SLC8A1: variants seen among roughly 807,000 people sequenced by gnomAD.
SLC8A1 encodes the protein sodium/calcium exchanger 1.
Under a neutral mutation model 68.3 loss-of-function variants are expected in SLC8A1, and 18 were observed. The observed-to-expected ratio is 0.26, with a 90% CI of 0.18 to 0.39. The LOEUF (loss-of-function observed/expected upper bound fraction) is 0.39, where lower values mean the gene tolerates loss of function less well. Among genes scored for constraint, SLC8A1 ranks in the 10% least tolerant of loss-of-function variants. The pLI, the probability that SLC8A1 is intolerant of heterozygous loss-of-function variation, is 1.00. For synonymous variants in SLC8A1, 475 were observed against 415.5 expected (o/e 1.14, Z -1.74); for missense variants, 985 against 1,156.7 (o/e 0.85, Z 2.15).
intron 2 of SLC8A1, among the ~76,000 whole-genome samples, chr2:40,282,802 G>A (rs1277738415): frequency 2.0e-5 from 3 of 152,084 alleles, no homozygotes; most frequent in African/African-American, 7.2e-5. Flanking sequence ...CTGGCTGCAA[G>A]GAGAAGTTGA....
chr2:40,314,061 G>C (rs945521447), intron 2 of SLC8A1, among the ~76,000 whole-genome samples: 1 of 151,874 alleles, frequency 6.6e-6, no homozygotes, highest in Non-Finnish European at 1.5e-5. Context: ...TTTGGATAAA[G>C]AATCTAGGAA....
At chr2:40,228,378 A>G (rs2059247055) in intron 2 of SLC8A1, among the ~76,000 whole-genome samples, 1 of 152,220 alleles carries the variant, frequency 6.6e-6, no homozygotes, top group Non-Finnish European at 1.5e-5. Flanking sequence ...TTATGGCTAC[A>G]TGATGTGGAA....
chr2:40,356,973 A>C (rs922823245), intron 2 of SLC8A1, among the ~76,000 whole-genome samples: 1 of 152,210 alleles, frequency 6.6e-6, no homozygotes, highest in African/African-American at 2.4e-5. Context: ...TATTATAAAC[A>C]AGAACACTCC....
At chr2:40,145,943 T>C (rs2042382702) in intron 6 of SLC8A1, among the ~76,000 whole-genome samples, 1 of 148,224 alleles carries the variant, frequency 6.7e-6, no homozygotes, top group African/African-American at 2.5e-5. Flanking sequence ...ACCCAAAGAT[T>C]TATTCCCAAA....
intron 7 of SLC8A1, among the ~76,000 whole-genome samples, chr2:40,128,466 A>G (rs1439804970): frequency 1.3e-5 from 2 of 152,206 alleles, no homozygotes. Flanking sequence ...GCCAGCAGTC[A>G]GCACCTACAG....
chr2:40,348,757 G>C (rs1239675203), intron 2 of SLC8A1, among the ~76,000 whole-genome samples: 1 of 152,074 alleles, frequency 6.6e-6, no homozygotes, highest in African/African-American at 2.4e-5. Context: ...GACTCTTGGT[G>C]GTTTCACCAG....
chr2:40,478,482 T>G (rs1394128861), intron 1 of SLC8A1, among the ~76,000 whole-genome samples: 1 of 152,198 alleles, frequency 6.6e-6, no homozygotes, highest in Middle Eastern at 3.2e-3. Context: ...AAAAAATAAC[T>G]ATTTAAAGCA....
intron 2 of SLC8A1, among the ~76,000 whole-genome samples, chr2:40,351,770 T>C (rs1301286954): frequency 6.6e-6 from 1 of 151,922 alleles, no homozygotes; most frequent in Non-Finnish European, 1.5e-5. Flanking sequence ...TTACAGACAA[T>C]AGCTTGCCTA....
At chr2:40,200,880 T>C (rs1188639178) in intron 2 of SLC8A1, among the ~76,000 whole-genome samples, 2 of 151,924 alleles carry the variant, frequency 1.3e-5, no homozygotes, top group African/African-American at 2.4e-5. Flanking sequence ...TAAATATTTA[T>C]ATATGATAAA....
intron 2 of SLC8A1, among the ~76,000 whole-genome samples, chr2:40,364,298 C>T (rs1675388883): frequency 6.6e-6 from 1 of 151,892 alleles, no homozygotes; most frequent in Admixed American, 6.6e-5. Flanking sequence ...GCTCTTAAGC[C>T]ATCAAGTTTC....
chr2:40,176,093 G>A, intron 3 of SLC8A1: 1 of 299,130 alleles, frequency 3.3e-6, no homozygotes. Context: ...ATGTACTGTA[G>A]CACTTTATTT....
intron 2 of SLC8A1, among the ~76,000 whole-genome samples, chr2:40,237,178 T>C (rs1304774854): frequency 6.6e-6 from 1 of 152,202 alleles, no homozygotes; most frequent in South Asian, 2.1e-4. Context: ...GAAGTTCTCC[T>C]GGATAATATC....
chr2:40,193,750 G>A (rs2052362298), intron 2 of SLC8A1, among the ~76,000 whole-genome samples: 1 of 152,098 alleles, frequency 6.6e-6, no homozygotes, highest in South Asian at 2.1e-4. Flanking sequence ...TTGTATTGTA[G>A]TGAAGGAGAG....
chr2:40,397,270 G>A (rs1214604133), intron 2 of SLC8A1, among the ~76,000 whole-genome samples: 1 of 152,120 alleles, frequency 6.6e-6, no homozygotes, highest in Non-Finnish European at 1.5e-5. Flanking sequence ...ATGAGCTAAT[G>A]TGCCCATTGA....
intron 2 of SLC8A1, among the ~76,000 whole-genome samples, chr2:40,220,748 C>A (rs2058208854): frequency 6.6e-6 from 1 of 151,978 alleles, no homozygotes; most frequent in African/African-American, 2.4e-5. Flanking sequence ...CTTTTTTGTT[C>A]ATCCTTTTCC....
chr2:40,194,092 T>C (rs977572327), intron 2 of SLC8A1, among the ~76,000 whole-genome samples: 1 of 152,086 alleles, frequency 6.6e-6, no homozygotes, highest in African/African-American at 2.4e-5. Context: ...AGAGAAAACA[T>C]CATGAGATTG....
chr2:40,117,706 C>T (rs1406068711), intron 7 of SLC8A1, among the ~76,000 whole-genome samples: 12 of 152,164 alleles, frequency 7.9e-5, no homozygotes, highest in Non-Finnish European at 1.3e-4. Flanking sequence ...GTTGTGTTAT[C>T]TGCTCTGGTC....
chr2:40,300,171 A>T (rs1297947543), intron 2 of SLC8A1, among the ~76,000 whole-genome samples: 2 of 152,192 alleles, frequency 1.3e-5, no homozygotes, highest in Non-Finnish European at 2.9e-5. Flanking sequence ...AAATAAAAAT[A>T]AAAAACAACA....
intron 2 of SLC8A1, among the ~76,000 whole-genome samples, chr2:40,411,174 C>A (rs1692023160): frequency 6.6e-6 from 1 of 151,946 alleles, no homozygotes; most frequent in Admixed American, 6.6e-5. Flanking sequence ...TTTCAAAGGG[C>A]ATTTTAAGAA....
Sources: gnomAD v4.1 joint callset for allele counts (sites outside exome capture counted in the v4.1 genomes callset) on GRCh38, gnomAD v4.1.1 for gene constraint, MANE v1.5 for transcripts, NCBI Gene and HGNC (gene_info 2026-07-23, HGNC 2026-07-21) for gene names.